The following LRRC42 variants were observed in gnomAD, a reference collection of about 807,000 sequenced individuals.
LRRC42 encodes leucine-rich repeat-containing protein 42.
LRRC42 carries 43 observed loss-of-function variants against 44.3 expected under a neutral mutation model. The ratio of observed to expected loss-of-function variants is 0.97; its 90% CI spans 0.76 to 1.25. The LOEUF (loss-of-function observed/expected upper bound fraction) is 1.25. Ranked by LOEUF, LRRC42 falls within the 50% of genes most tolerant of loss-of-function variation. The pLI, the probability that LRRC42 is intolerant of heterozygous loss-of-function variation, is 0.00. For synonymous variants in LRRC42, 207 were observed against 195.2 expected (o/e 1.06, Z -0.50); for missense variants, 540 against 509.1 (o/e 1.06, Z -0.58).
chr1:53,947,005 T>G (rs987372372), intron 1 of LRRC42, among the ~76,000 whole-genome samples: 1 of 150,238 alleles, frequency 6.7e-6, no homozygotes, highest in African/African-American at 2.5e-5. Context: ...TCTTGAAGAT[T>G]GAGAACAGAA....
intron 3 of LRRC42, 75 bp from the exon 4 acceptor site, chr1:53,958,072 CTA>C: frequency 1.3e-6 from 2 of 1,576,408 alleles, no homozygotes; most frequent in South Asian, 1.1e-5. Flanking sequence ...AGGATATTGA[CTA>C]TGATACAAAT....
intron 3 of LRRC42, among the ~76,000 whole-genome samples, chr1:53,953,078 G>T (rs1405606196): frequency 2.6e-5 from 4 of 152,122 alleles, no homozygotes; most frequent in African/African-American, 4.8e-5. Context: ...TAAAAAACTT[G>T]CAAAAACAAT....
chr1:53,963,388 G>T (rs1279968665), intron 7 of LRRC42, among the ~76,000 whole-genome samples: 1 of 152,234 alleles, frequency 6.6e-6, no homozygotes, highest in Non-Finnish European at 1.5e-5. Context: ...GCTTGCTGCA[G>T]TTTGGTAGCA....
At chr1:53,955,628 C>CTT (rs1291926537) in intron 3 of LRRC42, among the ~76,000 whole-genome samples, 25 of 133,404 alleles carry the variant, frequency 1.9e-4, no homozygotes, top group South Asian at 2.4e-4. Context: ...TTAACATAAT[C>CTT]TTTTTTTTTT....
At chr1:53,960,560 GTGAGA>G in intron 5 of LRRC42, 86 bp downstream of exon 5, 1 of 1,020,334 alleles carries the variant, frequency 9.8e-7, no homozygotes, top group Non-Finnish European at 1.4e-6. Context: ...CATTTTAGAG[GTGAGA>G]AAGGAAAGGT....
intron 1 of LRRC42, 117 bp from the exon 2 acceptor site, chr1:53,947,671 G>A (rs1654551108): frequency 6.6e-6 from 1 of 152,246 alleles, no homozygotes; most frequent in African/African-American, 2.4e-5. Context: ...GCTGAGGGAA[G>A]AAGGGAGGCC....
rs186929564 is a variant in LRRC42, at chr1:53,958,958, C to T, written c.605+678C>T. On this transcript the variant is annotated intron_variant, in intron 4 of 8. Transcript: ENST00000371370. ...TGGAGTGCAGTGGCGTGATCTTGGC[C>T]CACTGCAACCTCCACCTCCAGGTTC... Among the ~76,000 whole-genome samples, 1,420 of 151,756 alleles carry T rather than the reference C, an allele frequency of 9.4e-3. 27 individuals carry two copies. The highest frequency in any genetic ancestry group is 0.033 in the African/African-American group (1,354 of 41,360).
rs78805240 is a variant in LRRC42 at position 53,956,717 on chromosome 1, T to G, written c.474-1432T>G. 9.3e-3 allele frequency among the ~76,000 whole-genome samples: 1,421 copies of G among 152,338 alleles called. 29 individuals are homozygous for G. Among genetic ancestry groups the G allele is most frequent in the African/African-American group, 0.033 (1,355 of 41,572 alleles). On this transcript the variant is annotated intron_variant, in intron 3 of 8. Transcript: ENST00000371370. ...AGTAATGTCTGTGGCCTAACATGTT[T>G]GTTCCTCAACCTTGAGTTTCGTAAT...
At chr1:53,959,887 C>G (rs1654947828) in intron 4 of LRRC42, among the ~76,000 whole-genome samples, 1 of 151,412 alleles carries the variant, frequency 6.6e-6, no homozygotes, top group Non-Finnish European at 1.5e-5. Context: ...TAAATTAACT[C>G]TCACTTGGTA....
At chr1:53,965,642 T>C (rs1199287958) in intron 7 of LRRC42, among the ~76,000 whole-genome samples, 1 of 151,666 alleles carries the variant, frequency 6.6e-6, no homozygotes, top group African/African-American at 2.4e-5. Context: ...CAGCTAATTT[T>C]TTTTTTGTAT....
chr1:53,947,107 G>T (rs767578435), intron 1 of LRRC42, among the ~76,000 whole-genome samples: 2 of 151,442 alleles, frequency 1.3e-5, no homozygotes, highest in African/African-American at 4.9e-5. Context: ...GGAGAGGAGT[G>T]GGGGGTGGAG....
In LRRC42 at chr1:53,951,992, C is replaced by G; in HGVS notation, c.-8C>G. 1 of 1,608,270 alleles carries G rather than the reference C, an allele frequency of 6.2e-7. No homozygotes were observed. The highest frequency in any genetic ancestry group is 8.5e-7 in the Non-Finnish European group (1 of 1,177,046). On this transcript the variant is annotated 5_prime_UTR_variant, in exon 3 of 9. Transcript: ENST00000371370. ...CTGTGCCTTGCTTTTACAGTTGCAA[C>G]CAAGGCAATGTCTTACTACCTCAGC...
At chr1:53,955,446 G>A (rs964799876) in intron 3 of LRRC42, among the ~76,000 whole-genome samples, 3 of 151,524 alleles carry the variant, frequency 2.0e-5, no homozygotes, top group South Asian at 2.1e-4. Context: ...ACAGGCGCCC[G>A]CCACCGTGCC....
chr1:53,963,116 C>T (rs1009554286), intron 7 of LRRC42, among the ~76,000 whole-genome samples: 2 of 152,116 alleles, frequency 1.3e-5, no homozygotes, highest in Non-Finnish European at 2.9e-5. Context: ...CTAGAGGACC[C>T]ACCAAACTGT....
intron 5 of LRRC42, 185 bp from the exon 6 acceptor site, chr1:53,961,849 G>A (rs1236529639): frequency 5.3e-6 from 3 of 569,992 alleles, no homozygotes; most frequent in South Asian, 2.3e-5. Context: ...GGATCATTGA[G>A]TGTGGCTCTT....
intron 2 of LRRC42, among the ~76,000 whole-genome samples, chr1:53,950,485 A>G (rs1654645799): frequency 6.6e-6 from 1 of 152,358 alleles, no homozygotes; most frequent in African/African-American, 2.4e-5. Context: ...GAGACTCAGC[A>G]TTTTTGATCA....
chr1:53,963,829 C>T (rs1439321659), intron 7 of LRRC42, among the ~76,000 whole-genome samples: 1 of 152,196 alleles, frequency 6.6e-6, no homozygotes, highest in African/African-American at 2.4e-5. Flanking sequence ...TCCGAGAGAA[C>T]AAGTATGCTC....
intron 4 of LRRC42, among the ~76,000 whole-genome samples, chr1:53,959,917 ATCT>A (rs952297932): frequency 2.0e-5 from 3 of 150,124 alleles, no homozygotes; most frequent in Non-Finnish European, 4.4e-5. Context: ...GCACCAAAAA[ATCT>A]TTTTTTTTTT....
chr1:53,953,749 T>C (rs1654756616), intron 3 of LRRC42, among the ~76,000 whole-genome samples: 1 of 151,954 alleles, frequency 6.6e-6, no homozygotes, highest in Non-Finnish European at 1.5e-5. Context: ...TTTTTTTTTT[T>C]TGAGACGGAA....
Sources: allele counts gnomAD v4.1 joint callset (sites outside exome capture counted in the v4.1 genomes callset), GRCh38; gene constraint gnomAD v4.1.1; transcripts MANE v1.5; gene names NCBI Gene and HGNC (gene_info 2026-07-23, HGNC 2026-07-21).